The following KLHL7 variants were observed in gnomAD, a reference collection of about 807,000 sequenced individuals.
KLHL7 encodes the protein kelch like family member 7.
A neutral mutation model predicts 67.4 loss-of-function variants in KLHL7; 44 were observed. That is an observed-to-expected ratio of 0.65 (90% CI 0.51 to 0.84). The LOEUF (loss-of-function observed/expected upper bound fraction) is 0.84, where lower values mean the gene tolerates loss of function less well. Ranked by LOEUF, KLHL7 falls within the 40% of genes least tolerant of loss-of-function variation. KLHL7 has a pLI of 0.00. For missense variants in KLHL7, 362 were observed against 718.1 expected, an observed-to-expected ratio of 0.50 and a Z score of 5.67; for synonymous variants, 252 against 243.3, an observed-to-expected ratio of 1.04 and a Z score of -0.33.
Position 23,151,991 on chromosome 7 carries a change from A to G in KLHL7, c.794-76A>G, listed in dbSNP as rs1784550287. The G allele has an allele frequency of 3.6e-6, 5 of 1,377,172 alleles. No individual in the cohort carries two copies. In the Admixed American group the frequency reaches 6.7e-5, roughly 19 times the overall value. The allele number at this position is 1,377,172 out of a possible 1,614,324, so 85.3% of individuals were successfully genotyped here. A position where few individuals can be genotyped will look rare whatever the true frequency, so the allele number is the denominator to read the frequency against. The stretch of plus-strand genomic sequence containing the variant: ...AAGTTACTGAAATAAAGGCCCTATT[A>G]TGTCTGGGTATTTCGTTTTCAAAGC... On this transcript the variant is annotated intron_variant, in intron 6 of 10. Transcript: ENST00000339077.
intron 1 of KLHL7, chr7:23,106,524 C>T (rs1782647762): frequency 1.8e-6 from 2 of 1,122,206 alleles, no homozygotes; most frequent in Non-Finnish European, 2.2e-6. Context: ...AACCCGTTGG[C>T]ATAGCCCAAA....
chr7:23,157,310 G>C (rs1784736029), intron 7 of KLHL7, among the ~76,000 whole-genome samples: 1 of 152,200 alleles, frequency 6.6e-6, no homozygotes, highest in Non-Finnish European at 1.5e-5. Context: ...AAAATAGGCA[G>C]CAATCATCCC....
At position 23,165,961 on chromosome 7, in the gene KLHL7, G is replaced by A. The variant is rs1262409413; in HGVS notation, c.1177+23G>A. The A allele has an allele frequency of 3.7e-6, 6 of 1,613,278 alleles. No homozygotes were observed. In the Admixed American group the frequency reaches 1.0e-4, roughly 27 times the overall value. ...TAGGTAAGGACTTCTTAAGTATTTT[G>A]GTTTGGGGCATATGCTTTAAAGCCA... On this transcript the variant is annotated intron_variant, in intron 8 of 10. Transcript: ENST00000339077.
chr7:23,117,553 T>C (rs1783145787), intron 1 of KLHL7, among the ~76,000 whole-genome samples: 1 of 152,226 alleles, frequency 6.6e-6, no homozygotes, highest in Non-Finnish European at 1.5e-5. Flanking sequence ...CTGGCATATG[T>C]TTCCCTTAAG....
At chr7:23,155,360 A>G (rs972868782) in intron 7 of KLHL7, among the ~76,000 whole-genome samples, 1 of 152,150 alleles carries the variant, frequency 6.6e-6, no homozygotes, top group Admixed American at 6.5e-5. Context: ...AACTGAAATG[A>G]TAGTTTAAAT....
rs562292378 is a variant in KLHL7 at position 23,146,075 on chromosome 7, C to G, written c.793+2050C>G. 1.9e-3 allele frequency among the ~76,000 whole-genome samples: 283 copies of G among 152,320 alleles called. 2 individuals are homozygous for G. The highest frequency in any genetic ancestry group is 4.3e-3 in the Admixed American group (66 of 15,296). On this transcript the variant is annotated intron_variant, in intron 6 of 10. Coordinates refer to ENST00000339077, the MANE Select transcript of KLHL7 (RefSeq NM_001031710.3). ...CTCCCATCCTTTTCTGTGCTGTTCT[C>G]TGAGTCTGGAACATTTCTCTTTCAG...
At chr7:23,117,976 C>G in intron 1 of KLHL7, 1 of 1,613,894 alleles carries the variant, frequency 6.2e-7, no homozygotes, top group South Asian at 1.1e-5. Flanking sequence ...TTAGTCATTC[C>G]TCAGTCTTCT....
chr7:23,157,527 T>G (rs1282309999), intron 7 of KLHL7, among the ~76,000 whole-genome samples: 1 of 152,228 alleles, frequency 6.6e-6, no homozygotes, highest in Non-Finnish European at 1.5e-5. Flanking sequence ...TTCATGTTCA[T>G]GTAAAGAAGA....
chr7:23,171,583 TTGAAAA>T (rs1785162015), intron 9 of KLHL7, among the ~76,000 whole-genome samples: 1 of 152,178 alleles, frequency 6.6e-6, no homozygotes, highest in African/African-American at 2.4e-5. Flanking sequence ...ACAGAGAACT[TTGAAAA>T]TGAGAGTGGT....
chr7:23,155,959 A>G, intron 7 of KLHL7: 1 of 459,946 alleles, frequency 2.2e-6, no homozygotes, highest in Non-Finnish European at 4.5e-6. Context: ...CTGTAGTTCT[A>G]ATTCTTTCCT....
Position 23,175,429 on chromosome 7 carries a change from C to G in KLHL7, c.*1131C>G, listed in dbSNP as rs557991237. On this transcript the variant is annotated 3_prime_UTR_variant, in exon 11 of 11. Coordinates refer to ENST00000339077, the MANE Select transcript of KLHL7 (RefSeq NM_001031710.3). The stretch of plus-strand genomic sequence containing the variant: ...ATATTTTTTAACTTAAAATAGGCCA[C>G]TCAGTTTGTTCTTCAAGTATTTTAG... 9.6e-4 allele frequency: 409 copies of G among 427,696 alleles called. 2 individuals are homozygous for G. Among genetic ancestry groups the G allele is most frequent in the Non-Finnish European group, 7.5e-4 (164 of 218,968 alleles). 26.5% of individuals were successfully genotyped at this position (427,696 alleles called of 1,614,324 possible). A position where few individuals can be genotyped will look rare whatever the true frequency, so the allele number is the denominator to read the frequency against.
intron 7 of KLHL7, among the ~76,000 whole-genome samples, chr7:23,165,262 A>G (rs1784970102): frequency 6.6e-6 from 1 of 152,244 alleles, no homozygotes. Context: ...GATAATGGCA[A>G]TTTGAGCTTC....
chr7:23,123,890 T>C lies in KLHL7; in HGVS notation c.223+11T>C. 1 of 1,536,432 alleles carries C rather than the reference T, an allele frequency of 6.5e-7. No homozygotes were observed. Among genetic ancestry groups the C allele is most frequent in the Non-Finnish European group, 9.0e-7 (1 of 1,110,652 alleles). Reference sequence around the variant, plus strand: ...ACTTAATGTTCACAAGTAAGTATCTTAAGGTAAAACATGCCATTATTTCTT... The same window carrying C: ...ACTTAATGTTCACAAGTAAGTATCTCAAGGTAAAACATGCCATTATTTCTT... On this transcript the variant is annotated intron_variant, in intron 2 of 10. Coordinates refer to ENST00000339077, the MANE Select transcript of KLHL7 (RefSeq NM_001031710.3).
intron 1 of KLHL7, among the ~76,000 whole-genome samples, chr7:23,114,644 C>T (rs2068525): frequency 6.6e-6 from 1 of 152,196 alleles, no homozygotes; most frequent in African/African-American, 2.4e-5. Context: ...TATGTGGCTA[C>T]TTTCCTCTAC....
chr7:23,135,869 A>G (rs1215391709), intron 4 of KLHL7, among the ~76,000 whole-genome samples: 1 of 152,186 alleles, frequency 6.6e-6, no homozygotes, highest in Non-Finnish European at 1.5e-5. Context: ...AATAACCATA[A>G]ATTCTTTCCA....
intron 5 of KLHL7, among the ~76,000 whole-genome samples, chr7:23,143,215 G>A (rs1784248438): frequency 6.6e-6 from 1 of 152,076 alleles, no homozygotes; most frequent in Non-Finnish European, 1.5e-5. Flanking sequence ...TTGATTTTTT[G>A]GGGGGTGTTT....
chr7:23,144,996 G>C (rs1338302186), intron 6 of KLHL7, among the ~76,000 whole-genome samples: 1 of 151,908 alleles, frequency 6.6e-6, no homozygotes, highest in African/African-American at 2.4e-5. Context: ...TACTCCAGTG[G>C]CTGAGGCAGG....
chr7:23,149,617 G>C (rs1354587359), intron 6 of KLHL7, among the ~76,000 whole-genome samples: 1 of 152,186 alleles, frequency 6.6e-6, no homozygotes, highest in Non-Finnish European at 1.5e-5. Flanking sequence ...TGATGCTGCT[G>C]GTTATGGAAG....
intron 1 of KLHL7, among the ~76,000 whole-genome samples, chr7:23,117,126 C>G (rs983124960): frequency 2.5e-5 from 3 of 118,018 alleles, no homozygotes; most frequent in Middle Eastern, 8.3e-3. Context: ...CTCGCTCTGT[C>G]ACCCAGGCTG....
Sources: gnomAD v4.1 joint callset for allele counts (sites outside exome capture counted in the v4.1 genomes callset) on GRCh38, gnomAD v4.1.1 for gene constraint, MANE v1.5 for transcripts, NCBI Gene and HGNC (gene_info 2026-07-23, HGNC 2026-07-21) for gene names.